CSNK1G2: variants seen among roughly 807,000 people sequenced by gnomAD.
The protein encoded by CSNK1G2 is casein kinase I isoform gamma-2.
CSNK1G2 carries 11 observed loss-of-function variants against 48.0 expected under a neutral mutation model. That is an observed-to-expected ratio of 0.23 (90% CI 0.14 to 0.38). The LOEUF is 0.38. Among genes scored for constraint, CSNK1G2 ranks in the 10% least tolerant of loss-of-function variants. The pLI, the probability that CSNK1G2 is intolerant of heterozygous loss-of-function variation, is 1.00. For synonymous variants in CSNK1G2, 337 were observed against 254.1 expected, an observed-to-expected ratio of 1.33 and a Z score of -3.10; for missense variants, 446 against 595.5, an observed-to-expected ratio of 0.75 and a Z score of 2.61.
intron 2 of CSNK1G2, chr19:1,974,595 G>A (rs1249066503): frequency 6.6e-6 from 1 of 152,266 alleles, no homozygotes; most frequent in Non-Finnish European, 1.5e-5. Flanking sequence ...GCCTCACTGG[G>A]CGTGGCCGTG....
intron 1 of CSNK1G2, among the ~76,000 whole-genome samples, chr19:1,941,986 T>C (rs1391513826): frequency 6.6e-6 from 1 of 151,654 alleles, no homozygotes; most frequent in Non-Finnish European, 1.5e-5. Flanking sequence ...TGTCTTGGCC[T>C]GGCCCCTCCC....
At chr19:1,956,036 G>A (rs4807179) in intron 1 of CSNK1G2, among the ~76,000 whole-genome samples, 73,023 of 152,098 alleles carry the variant, frequency 0.48, 20,135 homozygotes, top group Non-Finnish European at 0.63. Flanking sequence ...CCCAGCTCCC[G>A]ACAGCGTTGG....
Position 1,980,655 on chromosome 19 carries a change from C to A in CSNK1G2, c.*452C>A. The A allele has an allele frequency of 4.6e-6, 1 of 217,504 alleles. No individual in the cohort carries two copies. Among genetic ancestry groups the A allele is most frequent in the Non-Finnish European group, 9.4e-6 (1 of 106,208 alleles). 13.5% of individuals were successfully genotyped at this position (217,504 alleles called of 1,614,324 possible). The stretch of plus-strand genomic sequence containing the variant: ...CCGTTTTCTCGAGGGGAGGGCAGGC[C>A]CGGCCTGGAGGGGTGCTGTGGAGCT... On this transcript the variant is annotated 3_prime_UTR_variant, in exon 12 of 12. Transcript: ENST00000255641.
intron 1 of CSNK1G2, among the ~76,000 whole-genome samples, chr19:1,966,142 C>T (rs924128264): frequency 1.3e-5 from 2 of 152,180 alleles, no homozygotes. Context: ...GCTCTAGGTG[C>T]CTGTAGGTGC....
At chr19:1,943,749 T>G (rs1421994583) in intron 1 of CSNK1G2, among the ~76,000 whole-genome samples, 1 of 152,034 alleles carries the variant, frequency 6.6e-6, no homozygotes, top group East Asian at 1.9e-4. Flanking sequence ...ACAGCCGGAG[T>G]TGCTTGCCCT....
chr19:1,944,701 G>A (rs906436055), intron 1 of CSNK1G2, among the ~76,000 whole-genome samples: 1 of 151,434 alleles, frequency 6.6e-6, no homozygotes, highest in East Asian at 2.0e-4. Context: ...GCTGGGTGGG[G>A]GGGGGTACCC....
In CSNK1G2 at chr19:1,979,112, G is replaced by T. The variant is rs748367551; in HGVS notation, c.682+19G>T. On this transcript the variant is annotated intron_variant, in intron 6 of 11. Transcript: ENST00000255641. ...GGCAAGGGTGAGCTGCGCGCGCGCG[G>T]CGGGGGGCGGGCGCCCGGACCCCGC... The T allele has an allele frequency of 1.3e-6, 2 of 1,583,342 alleles. No individual in the cohort carries two copies. The highest frequency in any genetic ancestry group is 1.7e-6 in the Non-Finnish European group (2 of 1,169,512).
In CSNK1G2 at chr19:1,957,485, G is replaced by A. The variant is rs2145530730; in HGVS notation, c.-265-12023G>A. ...GGTGGCCGGGCCTGTGGGAGACCTT[G>A]GGTTTGCTGTTAGGAGGGACAGTGA... On this transcript the variant is annotated intron_variant, in intron 1 of 11. Transcript: ENST00000255641. This position sits in a 1 kb window ranked among gnomAD's most constrained non-coding sequence, Gnocchi z 5.4. 6.6e-6 allele frequency among the ~76,000 whole-genome samples: 1 copy of A among 152,340 alleles called. No individual in the cohort carries two copies. Among genetic ancestry groups the A allele is most frequent in the South Asian group, 2.1e-4 (1 of 4,832 alleles).
chr19:1,947,279 C>T (rs564868793), intron 1 of CSNK1G2, among the ~76,000 whole-genome samples: 1 of 152,356 alleles, frequency 6.6e-6, no homozygotes, highest in African/African-American at 2.4e-5. Flanking sequence ...GTCCTCTCGC[C>T]TTGGCCGTGG....
At chr19:1,979,440 C>CCCCCCACCCCCCA in intron 8 of CSNK1G2, 37 bp downstream of exon 8, 8 of 1,397,726 alleles carry the variant, frequency 5.7e-6, no homozygotes, top group Non-Finnish European at 7.7e-6. Context: ...GTGCCCCCCA[C>CCCCCCACCCCCCA]CCCCCACCCC....
Position 1,979,908 on chromosome 19 carries a change from C to T in CSNK1G2, c.1087-3C>T, listed in dbSNP as rs143396569. 0.015 allele frequency: 24,827 copies of T among 1,607,674 alleles called. 416 individuals carry two copies. The highest frequency in any genetic ancestry group is 0.08 in the Admixed American group (4,765 of 59,196). On this transcript the variant is annotated splice_region_variant and splice_polypyrimidine_tract_variant and intron_variant, in intron 10 of 11. Transcript: ENST00000255641. The stretch of plus-strand genomic sequence containing the variant: ...CAGCGTGACCCCCTACTGCCCCCAC[C>T]AGGCGTTGAACTCCACCAACGGGGA...
chr19:1,946,164 C>G (rs919438881), intron 1 of CSNK1G2, among the ~76,000 whole-genome samples: 12 of 152,134 alleles, frequency 7.9e-5, no homozygotes, highest in Admixed American at 2.6e-4. Context: ...ACGTCTGTGT[C>G]TCAGGCCGCG....
chr19:1,941,866 C>T (rs1599271885), intron 1 of CSNK1G2, among the ~76,000 whole-genome samples: 1 of 151,362 alleles, frequency 6.6e-6, no homozygotes, highest in East Asian at 2.0e-4. Flanking sequence ...CACCTCCCGC[C>T]TTCTTCCCCC....
chr19:1,951,259 C>T (rs868425861), intron 1 of CSNK1G2, among the ~76,000 whole-genome samples: 4 of 144,492 alleles, frequency 2.8e-5, no homozygotes, highest in Non-Finnish European at 6.0e-5. Context: ...AAAAATTAGC[C>T]GGGCGTGGTG....
At chr19:1,947,393 C>G (rs1229014923) in intron 1 of CSNK1G2, among the ~76,000 whole-genome samples, 1 of 152,358 alleles carries the variant, frequency 6.6e-6, no homozygotes, top group South Asian at 2.1e-4. Flanking sequence ...CCCATCTGAC[C>G]TCTGTCCCCA....
intron 1 of CSNK1G2, chr19:1,952,742 G>T (rs551634462): frequency 1.4e-5 from 4 of 296,170 alleles, no homozygotes; most frequent in South Asian, 5.9e-5. Flanking sequence ...GAGCTGAGTC[G>T]TGCGGGACTG....
intron 1 of CSNK1G2, among the ~76,000 whole-genome samples, chr19:1,946,226 C>T (rs1014126438): frequency 1.3e-5 from 2 of 151,906 alleles, no homozygotes; most frequent in South Asian, 4.2e-4. Flanking sequence ...GCAAGAGGCT[C>T]GGGGGTCACG....
At position 1,980,502 on chromosome 19, in the gene CSNK1G2, C is replaced by G. The variant is rs1436123692; in HGVS notation, c.*299C>G. On this transcript the variant is annotated 3_prime_UTR_variant, in exon 12 of 12. Transcript: ENST00000255641. ...AAAAAAACAGAGGCCCGCCCTACCCCACTCCTGCCCCTCCGTTTCTTTGCT... is the reference window on the plus strand; with the variant it reads ...AAAAAAACAGAGGCCCGCCCTACCCGACTCCTGCCCCTCCGTTTCTTTGCT... 4.3e-6 allele frequency: 2 copies of G among 460,994 alleles called. No individual in the cohort carries two copies. The highest frequency in any genetic ancestry group is 2.3e-5 in the South Asian group (1 of 43,318). 28.6% of individuals were successfully genotyped at this position (460,994 alleles called of 1,614,324 possible).
chr19:1,949,564 T>G (rs1734911684), intron 1 of CSNK1G2, among the ~76,000 whole-genome samples: 1 of 152,264 alleles, frequency 6.6e-6, no homozygotes, highest in Non-Finnish European at 1.5e-5. Flanking sequence ...GGCATCCGCG[T>G]GTGGCTGCTG....
Sources: gnomAD v4.1 joint callset for allele counts (sites outside exome capture counted in the v4.1 genomes callset) on GRCh38, gnomAD v4.1.1 for gene constraint, Gnocchi (gnomAD v3.1) non-coding constraint, MANE v1.5 for transcripts, NCBI Gene and HGNC (gene_info 2026-07-23, HGNC 2026-07-21) for gene names.